The following CYREN variants were observed in gnomAD, a reference collection of about 807,000 sequenced individuals.
The protein encoded by CYREN is cell cycle regulator of non-homologous end joining.
In CYREN, 7 loss-of-function variants were observed where a neutral mutation model predicts 9.7. The ratio of observed to expected loss-of-function variants is 0.72; its 90% CI spans 0.41 to 1.36. The LOEUF is 1.36. Among genes scored for constraint, CYREN ranks in the 40% most tolerant of loss-of-function variants. The pLI, the probability that CYREN is intolerant of heterozygous loss-of-function variation, is 0.01. For missense variants in CYREN, 215 were observed against 198.1 expected (o/e 1.09, Z -0.51); for synonymous variants, 76 against 77.9 (o/e 0.98, Z 0.13).
chr7:135,164,198 G>A (rs890309433), downstream of CYREN, among the ~76,000 whole-genome samples: 1 of 152,240 alleles, frequency 6.6e-6, no homozygotes, highest in Non-Finnish European at 1.5e-5. Flanking sequence ...GCTTGGGAGA[G>A]ACTTTTCCTC....
At chr7:135,124,522 A>C (rs189635282) in intron 2 of CYREN, among the ~76,000 whole-genome samples, 1 of 152,226 alleles carries the variant, frequency 6.6e-6, no homozygotes, top group African/African-American at 2.4e-5. Flanking sequence ...TCAGGACTTG[A>C]ACTCTCAGCT....
At chr7:135,092,621 C>A (rs1163287895) in exon 3 of CYREN, 1 of 152,094 alleles carries the variant, frequency 6.6e-6, no homozygotes, top group Non-Finnish European at 1.5e-5. Context: ...GAAACAAATG[C>A]TACTTATTGT....
intron 2 of CYREN, among the ~76,000 whole-genome samples, chr7:135,140,007 C>T (rs10231135): frequency 6.6e-6 from 1 of 151,770 alleles, no homozygotes; most frequent in Non-Finnish European, 1.5e-5. Context: ...ATGCTTCCAG[C>T]TTTGTTCTTT....
intron 2 of CYREN, among the ~76,000 whole-genome samples, chr7:135,146,473 G>A (rs190023197): frequency 5.3e-5 from 8 of 152,212 alleles, no homozygotes; most frequent in South Asian, 2.1e-4. Flanking sequence ...AGACTTGCTC[G>A]ATGCAAAAAT....
intron 2 of CYREN, among the ~76,000 whole-genome samples, chr7:135,123,277 G>A (rs1253462659): frequency 1.3e-5 from 2 of 152,124 alleles, no homozygotes; most frequent in Non-Finnish European, 2.9e-5. Context: ...AATCGACCAC[G>A]CAGAAGAAAG....
intron 2 of CYREN, among the ~76,000 whole-genome samples, chr7:135,136,615 T>C (rs1037369239): frequency 1.3e-5 from 2 of 152,068 alleles, no homozygotes; most frequent in Non-Finnish European, 2.9e-5. Flanking sequence ...TTCCGGATCA[T>C]AGCATTTATT....
At chr7:135,156,844 A>G (rs1351452778) in intron 2 of CYREN, among the ~76,000 whole-genome samples, 1 of 152,120 alleles carries the variant, frequency 6.6e-6, no homozygotes, top group East Asian at 1.9e-4. Context: ...ATGTTGTGAG[A>G]GGGGACGCCA....
chr7:135,120,932 AGTGGCTTACACCT>A (rs1168586277), intron 2 of CYREN, among the ~76,000 whole-genome samples: 3 of 152,320 alleles, frequency 2.0e-5, no homozygotes, highest in African/African-American at 7.2e-5. Context: ...GGCTGGGTGC[AGTGGCTTACACCT>A]GTAATCCCAG....
intron 2 of CYREN, among the ~76,000 whole-genome samples, chr7:135,098,191 A>C (rs1042389438): frequency 3.9e-5 from 6 of 152,178 alleles, no homozygotes; most frequent in Non-Finnish European, 7.4e-5. Context: ...GCCGTTGCTA[A>C]TAAGTAAAGT....
At chr7:135,098,694 A>G (rs1207249269) in intron 2 of CYREN, among the ~76,000 whole-genome samples, 2 of 152,208 alleles carry the variant, frequency 1.3e-5, no homozygotes, top group Non-Finnish European at 2.9e-5. Flanking sequence ...CTGTTTAATC[A>G]CTACATCAAA....
At chr7:135,095,213 T>C (rs934286970) in intron 2 of CYREN, among the ~76,000 whole-genome samples, 3 of 152,172 alleles carry the variant, frequency 2.0e-5, no homozygotes, top group African/African-American at 4.8e-5. Flanking sequence ...GAAACACTTA[T>C]TAAGGTCATA....
chr7:135,128,375 A>C, intron 2 of CYREN: 1 of 370,710 alleles, frequency 2.7e-6, no homozygotes, highest in Non-Finnish European at 5.0e-6. Context: ...CCCTGGTGGG[A>C]GTGTAGCAGT....
At chr7:135,129,712 T>C (rs1235024573) in intron 2 of CYREN, 2 of 751,824 alleles carry the variant, frequency 2.7e-6, no homozygotes, top group African/African-American at 1.7e-5. Context: ...GCTCAAGATA[T>C]GGAAGTGGAT....
intron 2 of CYREN, chr7:135,128,631 C>A: frequency 2.4e-6 from 2 of 827,104 alleles, no homozygotes; most frequent in Non-Finnish European, 4.2e-6. Context: ...CAGCGTGATC[C>A]CGTTTGCCTG....
At chr7:135,157,327 C>T (rs766470533) in intron 2 of CYREN, among the ~76,000 whole-genome samples, 3 of 152,282 alleles carry the variant, frequency 2.0e-5, no homozygotes, top group Admixed American at 6.5e-5. Context: ...ATGACTTCTT[C>T]GGCATAGGGT....
At chr7:135,120,061 G>T (rs1826924902) in intron 2 of CYREN, among the ~76,000 whole-genome samples, 1 of 152,028 alleles carries the variant, frequency 6.6e-6, no homozygotes, top group African/African-American at 2.4e-5. Flanking sequence ...GTCAAGAAAG[G>T]TTCAGATAAA....
intron 2 of CYREN, among the ~76,000 whole-genome samples, chr7:135,108,820 A>G (rs11977636): frequency 0.037 from 5,602 of 152,246 alleles, 331 homozygotes; most frequent in African/African-American, 0.13. Flanking sequence ...AGGGATGCAA[A>G]TGATTCATAA....
At position 135,168,966 on chromosome 7, in the gene CYREN, G is replaced by T. The variant is rs769303906; in HGVS notation, c.-44C>A. 8.0e-6 allele frequency: 12 copies of T among 1,497,316 alleles called. No individual in the cohort carries two copies. Among genetic ancestry groups the T allele is most frequent in the Non-Finnish European group, 9.8e-6 (11 of 1,120,316 alleles). The allele number at this position is 1,497,316 out of a possible 1,614,324, so 92.8% of individuals were successfully genotyped here. A position where few individuals can be genotyped will look rare whatever the true frequency, so the allele number is the denominator to read the frequency against. ...AGAAGAGTCAGGGCCCAAGCTTAAT[G>T]ACCTGTTTTTTAATTCAGGAAGGTA... On this transcript the variant is annotated 5_prime_UTR_variant, in exon 2 of 4. Coordinates refer to ENST00000393114, the MANE Select transcript of CYREN (RefSeq NM_024033.4).
At chr7:135,128,777 G>A in intron 2 of CYREN, 2 of 1,278,044 alleles carry the variant, frequency 1.6e-6, no homozygotes, top group South Asian at 2.6e-5. Flanking sequence ...GATTTTGGAG[G>A]AACTTCTGGA....
Sources: allele counts gnomAD v4.1 joint callset (sites outside exome capture counted in the v4.1 genomes callset), GRCh38; gene constraint gnomAD v4.1.1; transcripts MANE v1.5; gene names NCBI Gene and HGNC (gene_info 2026-07-23, HGNC 2026-07-21).